Variants in ACACB observed in about 807,000 individuals in gnomAD.
The protein encoded by ACACB is acetyl-CoA carboxylase beta.
ACACB carries 209 observed loss-of-function variants against 278.8 expected under a neutral mutation model. That is an observed-to-expected ratio of 0.75 (90% CI 0.67 to 0.84). ACACB has a LOEUF of 0.84. ACACB is among the 40% of genes least tolerant of loss of function. The pLI, the probability that ACACB is intolerant of heterozygous loss-of-function variation, is 0.00. For synonymous variants in ACACB, 1,174 were observed against 1,285.6 expected, an observed-to-expected ratio of 0.91 and a Z score of 1.86; for missense variants, 2,850 against 3,269.0, an observed-to-expected ratio of 0.87 and a Z score of 3.13.
At chr12:109,177,226 G>T (rs2044310981) in intron 9 of ACACB, among the ~76,000 whole-genome samples, 1 of 152,160 alleles carries the variant, frequency 6.6e-6, no homozygotes, top group Non-Finnish European at 1.5e-5. Flanking sequence ...AATATTTTAT[G>T]TGTGGCAATA....
chr12:109,150,433 A>C (rs975949932), intron 2 of ACACB, among the ~76,000 whole-genome samples: 1 of 152,206 alleles, frequency 6.6e-6, no homozygotes, highest in Non-Finnish European at 1.5e-5. Context: ...TTGAAAAGGC[A>C]GGTGAAGTGT....
intron 1 of ACACB, among the ~76,000 whole-genome samples, chr12:109,126,014 G>A (rs1000362934): frequency 3.9e-5 from 6 of 152,188 alleles, no homozygotes; most frequent in Non-Finnish European, 8.8e-5. Flanking sequence ...ATTCCTGCCT[G>A]TTTGCTCCAT....
intron 2 of ACACB, among the ~76,000 whole-genome samples, chr12:109,152,586 T>C (rs976994965): frequency 6.6e-6 from 1 of 151,570 alleles, no homozygotes; most frequent in African/African-American, 2.4e-5. Flanking sequence ...TGTGGCCAAG[T>C]ACTTGGCACC....
chr12:109,214,028 G>GA (rs2136451496), intron 22 of ACACB, among the ~76,000 whole-genome samples: 1 of 151,996 alleles, frequency 6.6e-6, no homozygotes, highest in Admixed American at 6.6e-5. Flanking sequence ...GCCAAGGCAA[G>GA]AGGATCACTT....
chr12:109,215,625 G>A (rs546220768), intron 22 of ACACB, among the ~76,000 whole-genome samples: 7 of 151,998 alleles, frequency 4.6e-5, no homozygotes, highest in African/African-American at 7.2e-5. Flanking sequence ...TTAGCCGAGC[G>A]TGGGTGGCAG....
intron 2 of ACACB, among the ~76,000 whole-genome samples, chr12:109,146,673 T>G (rs533048135): frequency 4.5e-4 from 69 of 152,160 alleles, no homozygotes; most frequent in South Asian, 1.2e-3. Flanking sequence ...GTCTTGAGAT[T>G]CTTTTTTATT....
intron 1 of ACACB, among the ~76,000 whole-genome samples, chr12:109,122,214 CTT>C (rs1463122177): frequency 6.6e-6 from 1 of 152,172 alleles, no homozygotes; most frequent in Non-Finnish European, 1.5e-5. Context: ...GGGTGAGTGA[CTT>C]TGCGTCACTT....
intron 4 of ACACB, among the ~76,000 whole-genome samples, chr12:109,171,079 C>T (rs1362064638): frequency 1.7e-5 from 2 of 117,766 alleles, no homozygotes; most frequent in African/African-American, 6.7e-5. Flanking sequence ...GTCTTGAATT[C>T]TTGGCCTCAA....
intron 52 of ACACB, 125 bp downstream of exon 52, chr12:109,265,650 CGCCCCCT>C: frequency 8.2e-7 from 1 of 1,223,940 alleles, no homozygotes; most frequent in Non-Finnish European, 1.1e-6. Context: ...GGGTTGTCCC[CGCCCCCT>C]CCCCGCTCCC....
At chr12:109,151,050 C>T (rs1441415300) in intron 2 of ACACB, among the ~76,000 whole-genome samples, 1 of 148,216 alleles carries the variant, frequency 6.7e-6, no homozygotes, top group Non-Finnish European at 1.5e-5. Flanking sequence ...ACAATTTCAG[C>T]TCACTGCAAC....
intron 18 of ACACB, among the ~76,000 whole-genome samples, chr12:109,200,697 G>A (rs951880055): frequency 2.6e-5 from 4 of 151,990 alleles, no homozygotes; most frequent in African/African-American, 9.7e-5. Flanking sequence ...AAAAAAGCTG[G>A]GCCCAGGCAG....
intron 2 of ACACB, among the ~76,000 whole-genome samples, chr12:109,159,201 C>T (rs979889789): frequency 6.6e-5 from 10 of 152,192 alleles, no homozygotes; most frequent in Non-Finnish European, 1.5e-4. Context: ...GCTGTTTGAA[C>T]GATATCAACC....
In ACACB at chr12:109,195,680, C is replaced by T. The variant is rs187869047; in HGVS notation, c.2482-1328C>T. Among the ~76,000 whole-genome samples the T allele has an allele frequency of 1.5e-3, 233 of 152,222 alleles. 1 individual carries two copies. Among genetic ancestry groups the T allele is most frequent in the African/African-American group, 5.2e-3 (216 of 41,520 alleles). On this transcript the variant is annotated intron_variant, in intron 16 of 52. Transcript: ENST00000338432. ...AGATCATGGTGCAAATGCAGTTTTA[C>T]AGCTTTGATATGATCATGGCATAAA...
Position 109,168,629 on chromosome 12 carries a change from A to G in ACACB, c.925+595A>G, listed in dbSNP as rs555918948. 2.0e-5 allele frequency among the ~76,000 whole-genome samples: 3 copies of G among 151,624 alleles called. No homozygotes were observed. In the East Asian group the frequency reaches 5.9e-4, roughly 30 times the overall value. On this transcript the variant is annotated intron_variant, in intron 4 of 52. Transcript: ENST00000338432. ...CCTTGAGTTTGAGAGCAGCCTGGGT[A>G]ACATAATAAGACCCTGTCTCTACAA...
In ACACB at chr12:109,223,911, A is replaced by T. The variant is rs780530182; in HGVS notation, c.3882+7A>T. 3.7e-6 allele frequency: 6 copies of T among 1,612,830 alleles called. No homozygotes were observed. Among genetic ancestry groups the T allele is most frequent in the Non-Finnish European group, 5.1e-6 (6 of 1,178,826 alleles). ...GTGCATGGCGTCCTTGGAGGTAAGC[A>T]GGAGAGGCCCAGAGAACAGCACTGA... On this transcript the variant is annotated splice_region_variant and intron_variant, in intron 27 of 52. Coordinates refer to ENST00000338432, the MANE Select transcript of ACACB (RefSeq NM_001093.4).
At chr12:109,209,900 CACAT>C (rs1347707205) in intron 21 of ACACB, among the ~76,000 whole-genome samples, 3 of 101,940 alleles carry the variant, frequency 2.9e-5, no homozygotes, top group Admixed American at 9.3e-5. Context: ...TGTATATACA[CACAT>C]ACACACACGT....
At chr12:109,162,926 T>C (rs1363149256) in intron 2 of ACACB, among the ~76,000 whole-genome samples, 1 of 152,158 alleles carries the variant, frequency 6.6e-6, no homozygotes, top group Non-Finnish European at 1.5e-5. Context: ...CAGTTTCTTT[T>C]TCTTTTTCTT....
chr12:109,210,101 G>GTATA (rs1555222714), intron 21 of ACACB, among the ~76,000 whole-genome samples: 1 of 106,372 alleles, frequency 9.4e-6, no homozygotes, highest in African/African-American at 3.9e-5. Context: ...ACACATGTGT[G>GTATA]TGTATATGTA....
chr12:109,192,093 C>T, intron 15 of ACACB, 143 bp downstream of exon 15: 2 of 855,024 alleles, frequency 2.3e-6, no homozygotes, highest in South Asian at 3.3e-5. Flanking sequence ...TGGGAAATTC[C>T]TCTACAGATC....
Sources: allele counts gnomAD v4.1 joint callset (sites outside exome capture counted in the v4.1 genomes callset), GRCh38; gene constraint gnomAD v4.1.1; transcripts MANE v1.5; gene names NCBI Gene and HGNC (gene_info 2026-07-23, HGNC 2026-07-21).